The following STX8 variants were observed in gnomAD, a reference collection of about 807,000 sequenced individuals.
STX8 encodes the protein syntaxin 8.
A neutral mutation model predicts 37.5 loss-of-function variants in STX8; 23 were observed. The ratio of observed to expected loss-of-function variants is 0.61; its 90% CI spans 0.44 to 0.87. The LOEUF is 0.87. STX8 is among the 40% of genes least tolerant of loss of function. The pLI is 0.00. For missense variants in STX8, 313 were observed against 284.7 expected, an observed-to-expected ratio of 1.10 and a Z score of -0.71; for synonymous variants, 115 against 99.1, an observed-to-expected ratio of 1.16 and a Z score of -0.95.
chr17:9,343,647 A>G (rs1172675422), intron 7 of STX8, among the ~76,000 whole-genome samples: 1 of 152,096 alleles, frequency 6.6e-6, no homozygotes, highest in African/African-American at 2.4e-5. Context: ...TGGATGTCAA[A>G]CCTGCGATGG....
At chr17:9,462,729 G>A (rs1211535199) in intron 6 of STX8, among the ~76,000 whole-genome samples, 1 of 152,082 alleles carries the variant, frequency 6.6e-6, no homozygotes, top group Non-Finnish European at 1.5e-5. Context: ...TCTCAACAAC[G>A]AAATAATTTC....
At chr17:9,451,383 A>G (rs1177659403) in intron 6 of STX8, among the ~76,000 whole-genome samples, 2 of 152,196 alleles carry the variant, frequency 1.3e-5, no homozygotes, top group African/African-American at 2.4e-5. Flanking sequence ...TACACAAGGC[A>G]TCATCTCCAC....
At chr17:9,441,876 C>T (rs7212629) in intron 6 of STX8, among the ~76,000 whole-genome samples, 40,399 of 151,470 alleles carry the variant, frequency 0.27, 5,593 homozygotes, top group African/African-American at 0.32. Context: ...GGGGTTTCAC[C>T]GTGTTAGCCA....
intron 7 of STX8, among the ~76,000 whole-genome samples, chr17:9,327,957 C>T (rs1909833054): frequency 1.3e-5 from 2 of 149,192 alleles, no homozygotes; most frequent in African/African-American, 5.0e-5. Context: ...CCTCTCCTTC[C>T]TTCTTTCCTT....
intron 6 of STX8, among the ~76,000 whole-genome samples, chr17:9,421,113 C>T (rs1487643809): frequency 5.3e-5 from 8 of 151,932 alleles, no homozygotes; most frequent in African/African-American, 1.9e-4. Flanking sequence ...TTTTTTTTGG[C>T]TGGGCACTGT....
At chr17:9,385,741 T>A (rs1911977475) in intron 6 of STX8, among the ~76,000 whole-genome samples, 1 of 152,188 alleles carries the variant, frequency 6.6e-6, no homozygotes, top group African/African-American at 2.4e-5. Context: ...ATATCTACCA[T>A]CTTACCCAGA....
intron 6 of STX8, among the ~76,000 whole-genome samples, chr17:9,388,157 C>A (rs1379968075): frequency 1.3e-5 from 2 of 149,960 alleles, no homozygotes; most frequent in East Asian, 2.0e-4. Context: ...CTGCAACCTC[C>A]GCCTCCCAGG....
chr17:9,446,275 T>G (rs1904848183), intron 6 of STX8, among the ~76,000 whole-genome samples: 1 of 152,222 alleles, frequency 6.6e-6, no homozygotes, highest in Non-Finnish European at 1.5e-5. Flanking sequence ...TCACTAAATA[T>G]TTGCTGACTG....
intron 4 of STX8, among the ~76,000 whole-genome samples, chr17:9,536,745 TTA>T (rs1382901747): frequency 4.5e-4 from 59 of 132,500 alleles, no homozygotes; most frequent in African/African-American, 1.9e-3. Context: ...GGGCTTATTA[TTA>T]TTTTTTTTTT....
At chr17:9,406,191 A>G (rs1361884025) in intron 6 of STX8, among the ~76,000 whole-genome samples, 2 of 152,180 alleles carry the variant, frequency 1.3e-5, no homozygotes, top group Non-Finnish European at 2.9e-5. Flanking sequence ...AAGCAATTCA[A>G]CTTTTCCTTG....
chr17:9,391,545 A>G (rs1009858101), intron 6 of STX8, among the ~76,000 whole-genome samples: 2 of 152,136 alleles, frequency 1.3e-5, no homozygotes, highest in Admixed American at 1.3e-4. Context: ...CAAAAAAGCA[A>G]AACAAATGTG....
chr17:9,543,930 C>T (rs1906387954), intron 4 of STX8, among the ~76,000 whole-genome samples: 1 of 152,134 alleles, frequency 6.6e-6, no homozygotes, highest in Admixed American at 6.5e-5. Flanking sequence ...AAGACTGGAA[C>T]CCACAGGAAA....
chr17:9,506,785 G>C (rs1904854911), intron 4 of STX8, among the ~76,000 whole-genome samples: 1 of 151,960 alleles, frequency 6.6e-6, no homozygotes, highest in Non-Finnish European at 1.5e-5. Flanking sequence ...CCCAGATTAG[G>C]AGCATTCCCC....
chr17:9,395,584 C>CA (rs1365598528), intron 6 of STX8, among the ~76,000 whole-genome samples: 3 of 152,098 alleles, frequency 2.0e-5, no homozygotes, highest in Admixed American at 6.6e-5. Context: ...TCAAACAAAA[C>CA]AAAACAAAAC....
chr17:9,363,472 C>T (rs146331533), intron 7 of STX8, among the ~76,000 whole-genome samples: 116 of 152,256 alleles, frequency 7.6e-4, no homozygotes, highest in Middle Eastern at 3.4e-3. Context: ...CAAATAGTGT[C>T]GGGAAAGCAT....
chr17:9,344,211 G>A (rs1185141343), intron 7 of STX8, among the ~76,000 whole-genome samples: 1 of 151,664 alleles, frequency 6.6e-6, no homozygotes, highest in Non-Finnish European at 1.5e-5. Context: ...GACCACGGAG[G>A]CTCCAGGTAA....
intron 7 of STX8, among the ~76,000 whole-genome samples, chr17:9,372,813 T>G (rs1350501399): frequency 7.1e-6 from 1 of 140,360 alleles, no homozygotes; most frequent in African/African-American, 2.6e-5. Flanking sequence ...AGGAAAATAC[T>G]GAAAAGTGGG....
rs547448258 is a variant in STX8, at chr17:9,483,109, A to G, written c.541+8720T>C. ...ATTATCACACACTGAGTAGCCTGGAACAATAGGCATTTACTCCCTTTAGTT... is the reference window on the plus strand; with the variant it reads ...ATTATCACACACTGAGTAGCCTGGAGCAATAGGCATTTACTCCCTTTAGTT... On this transcript the variant is annotated intron_variant, in intron 6 of 7. Coordinates refer to ENST00000306357, the MANE Select transcript of STX8 (RefSeq NM_004853.3). 3.3e-5 allele frequency among the ~76,000 whole-genome samples: 5 copies of G among 152,230 alleles called. No homozygotes were observed. The South Asian group carries it at 1.0e-3, about 32-fold the overall frequency.
At chr17:9,285,308 C>T (rs562654457) in intron 7 of STX8, among the ~76,000 whole-genome samples, 5 of 151,224 alleles carry the variant, frequency 3.3e-5, no homozygotes, top group East Asian at 1.9e-4. Context: ...ATCTGGTGGA[C>T]GGAAACACTG....
Sources: allele counts gnomAD v4.1 joint callset (sites outside exome capture counted in the v4.1 genomes callset), GRCh38; gene constraint gnomAD v4.1.1; transcripts MANE v1.5; gene names NCBI Gene and HGNC (gene_info 2026-07-23, HGNC 2026-07-21).